Variants in TMPRSS13 observed in about 807,000 individuals in gnomAD.
The protein encoded by TMPRSS13 is transmembrane serine protease 13, also known as transmembrane protease serine 13.
TMPRSS13 carries 50 observed loss-of-function variants against 68.4 expected under a neutral mutation model. That is an observed-to-expected ratio of 0.73 (90% CI 0.58 to 0.93). The LOEUF (loss-of-function observed/expected upper bound fraction) is 0.93, where lower values mean the gene tolerates loss of function less well. Among genes scored for constraint, TMPRSS13 ranks in the 40% least tolerant of loss-of-function variants. The pLI, the probability that TMPRSS13 is intolerant of heterozygous loss-of-function variation, is 0.00. For missense variants in TMPRSS13, 615 were observed against 729.2 expected (o/e 0.84, Z 1.80); for synonymous variants, 267 against 285.8 (o/e 0.93, Z 0.66).
chr11:117,907,627 T>G (rs1858151415), intron 9 of TMPRSS13: 1 of 171,334 alleles, frequency 5.8e-6, no homozygotes, highest in South Asian at 1.9e-4. Flanking sequence ...GCTCCATTCT[T>G]CAGGGTCCTC....
chr11:117,913,979 G>T, intron 4 of TMPRSS13, 73 bp from the exon 5 acceptor site: 1 of 1,554,450 alleles, frequency 6.4e-7, no homozygotes, highest in African/African-American at 1.4e-5. Context: ...GATGAGCTGA[G>T]TGAGGCTTTG....
At chr11:117,917,352 C>G in intron 2 of TMPRSS13, 78 bp from the exon 3 acceptor site, 1 of 1,209,184 alleles carries the variant, frequency 8.3e-7, no homozygotes, top group Admixed American at 2.0e-5. Flanking sequence ...GGAAACAAGA[C>G]TGTGGCCCAG....
rs966479246 is a variant in TMPRSS13, at chr11:117,923,789, C to A, written c.22-4951G>T. 2.8e-5 allele frequency among the ~76,000 whole-genome samples: 4 copies of A among 141,994 alleles called. No individual in the cohort carries two copies. The Admixed American group carries it at 2.9e-4, about 10-fold the overall frequency. The allele number at this position is 141,994 out of a possible 152,430, so 93.2% of individuals were successfully genotyped here. On this transcript the variant is annotated intron_variant, in intron 1 of 12. Coordinates refer to ENST00000524993, the MANE Select transcript of TMPRSS13 (RefSeq NM_001077263.3). ...ACACGGCACATGTATACATATGTAACAAACCTGCACGTTGTGCACATGTAC... is the reference window on the plus strand; with the variant it reads ...ACACGGCACATGTATACATATGTAAAAAACCTGCACGTTGTGCACATGTAC...
chr11:117,920,743 C>G (rs1418361479), intron 1 of TMPRSS13, among the ~76,000 whole-genome samples: 1 of 152,202 alleles, frequency 6.6e-6, no homozygotes, highest in Non-Finnish European at 1.5e-5. Flanking sequence ...CCCGCCTCAG[C>G]CTCCCAAAGT....
Position 117,914,416 on chromosome 11 carries a change from G to T in TMPRSS13, c.655C>A (p.Leu219Met). 6.2e-7 allele frequency: 1 copy of T among 1,613,914 alleles called. No individual in the cohort carries two copies. ...CCGCAGCCCAGCTCGTCACTCTTCAGCTTGCAGTCCACCACCCCGTCACAG... is the reference window on the plus strand; with the variant it reads ...CCGCAGCCCAGCTCGTCACTCTTCATCTTGCAGTCCACCACCCCGTCACAG... ...VRCDGVVDCK[L>M]KSDELGCVRF... Residue 219 changes from leucine (L) to methionine (M), a missense_variant, in exon 4 of 13, where the codon CTG (leucine) becomes ATG (methionine). Transcript: ENST00000524993. This position sits in a 1 kb window ranked among gnomAD's most constrained non-coding sequence, Gnocchi z 4.2.
chr11:117,909,521 C>T (rs985725427), intron 8 of TMPRSS13, among the ~76,000 whole-genome samples: 1 of 152,186 alleles, frequency 6.6e-6, no homozygotes, highest in African/African-American at 2.4e-5. Context: ...TTCATTTCAC[C>T]CTGTTCTTCA....
rs376048907 is a variant in TMPRSS13, at chr11:117,914,435, G to A, written c.636C>T (p.Asp212=). The change falls in exon 4 of 13, where the codon GAC becomes GAT. Residue 212 remains aspartate (D), a synonymous_variant. Transcript: ENST00000524993. The surrounding 1 kb of genome is among the most constrained non-coding windows in gnomAD (Gnocchi z 4.2). ...ESCPKHAVRC[D]GVVDCKLKSD... ...TCTTCAGCTTGCAGTCCACCACCCC[G>A]TCACAGCGAACAGCGTGCTTGGGAC... 1.6e-5 allele frequency: 26 copies of A among 1,613,860 alleles called. No individual in the cohort carries two copies. The highest frequency in any genetic ancestry group is 1.6e-4 in the Middle Eastern group (1 of 6,084).
At chr11:117,924,976 G>A (rs1315483837) in intron 1 of TMPRSS13, among the ~76,000 whole-genome samples, 2 of 152,164 alleles carry the variant, frequency 1.3e-5, no homozygotes, top group Admixed American at 6.5e-5. Flanking sequence ...TGGGGGGCAC[G>A]GGGAGCCTCG....
At chr11:117,916,916 A>G (rs755773703) in intron 3 of TMPRSS13, among the ~76,000 whole-genome samples, 1 of 152,168 alleles carries the variant, frequency 6.6e-6, no homozygotes, top group Non-Finnish European at 1.5e-5. Flanking sequence ...TTGCCCAAGT[A>G]AGCTGCATAG....
At chr11:117,911,276 C>T (rs942612752) in intron 6 of TMPRSS13, among the ~76,000 whole-genome samples, 1 of 152,196 alleles carries the variant, frequency 6.6e-6, no homozygotes, top group Non-Finnish European at 1.5e-5. Flanking sequence ...CCAACGTGGC[C>T]CTCCCTGTCC....
At chr11:117,903,289 G>A (rs1591614418) in intron 12 of TMPRSS13, 1 of 1,291,178 alleles carries the variant, frequency 7.7e-7, no homozygotes, top group East Asian at 2.5e-5. Flanking sequence ...GGATTCCCAT[G>A]CATAAATGCT....
intron 6 of TMPRSS13, 142 bp from the exon 7 acceptor site, chr11:117,910,892 C>T: frequency 2.7e-6 from 2 of 742,262 alleles, no homozygotes; most frequent in Non-Finnish European, 4.4e-6. Flanking sequence ...TTCTGAGCTT[C>T]CCCTTTCCCC....
chr11:117,920,244 C>T (rs897742676), intron 1 of TMPRSS13, among the ~76,000 whole-genome samples: 3 of 152,224 alleles, frequency 2.0e-5, no homozygotes, highest in African/African-American at 7.2e-5. Context: ...CACCTTGCTT[C>T]GTGGTACTGA....
At position 117,908,661 on chromosome 11, in the gene TMPRSS13, G is replaced by A. The variant is rs3741293; in HGVS notation, c.1233C>T (p.Asp411=). ...GCCGCATGAGGGCGATGTCATAGTCGTCCTCCTCATCGGTGTAATTGCTGT... is the reference window on the plus strand; with the variant it reads ...GCCGCATGAGGGCGATGTCATAGTCATCCTCCTCATCGGTGTAATTGCTGT... ...IINSNYTDEE[D]DYDIALMRLS... Residue 411 remains aspartate, a synonymous_variant, in exon 9 of 13, where the codon GAC becomes GAT. Transcript: ENST00000524993. 8,010 of 1,585,882 alleles carry A rather than the reference G, an allele frequency of 5.1e-3. 140 individuals are homozygous for A. The East Asian group carries it at 0.058, about 11-fold the overall frequency.
At position 117,914,011 on chromosome 11, in the gene TMPRSS13, C is replaced by G. The variant is rs189590631; in HGVS notation, c.680-105G>C. On this transcript the variant is annotated intron_variant, in intron 4 of 12. Coordinates refer to ENST00000524993, the MANE Select transcript of TMPRSS13 (RefSeq NM_001077263.3). This position sits in a 1 kb window ranked among gnomAD's most constrained non-coding sequence, Gnocchi z 4.2. ...TTTGAGAAAGCGCTTGTCCTGACAG[C>G]ACTCCTTGCTGAGGCCTGGGAAAAG... 628 of 1,360,110 alleles carry G rather than the reference C, an allele frequency of 4.6e-4. No individual in the cohort carries two copies. The highest frequency in any genetic ancestry group is 6.1e-4 in the Non-Finnish European group (606 of 993,380). 84.3% of individuals were successfully genotyped at this position (1,360,110 alleles called of 1,614,324 possible).
At position 117,908,608 on chromosome 11, in the gene TMPRSS13, T is replaced by A. The variant is rs1185960076; in HGVS notation, c.1282+4A>T. The A allele has an allele frequency of 1.3e-6, 2 of 1,557,268 alleles. No individual in the cohort carries two copies. Among genetic ancestry groups the A allele is most frequent in the Non-Finnish European group, 1.7e-6 (2 of 1,150,950 alleles). Reference sequence around the variant, plus strand: ...AGGAGAGCGGGGAGTGCAGATTCCCTCACCGGACAGGGTCAGGGGCTTGGA... The same window carrying A: ...AGGAGAGCGGGGAGTGCAGATTCCCACACCGGACAGGGTCAGGGGCTTGGA... On this transcript the variant is annotated splice_donor_region_variant and intron_variant, in intron 9 of 12. Transcript: ENST00000524993.
chr11:117,901,618 C>T lies in TMPRSS13; in HGVS notation c.*621G>A, dbSNP rs752293045. On this transcript the variant is annotated 3_prime_UTR_variant, in exon 13 of 13. Coordinates refer to ENST00000524993, the MANE Select transcript of TMPRSS13 (RefSeq NM_001077263.3). ...AAAACCCGCCCCAGCAGCTTGTGAC[C>T]AAATGAGTACAGTGAATCCTCATCT... The T allele has an allele frequency of 1.3e-5, 2 of 152,184 alleles. No homozygotes were observed. Among genetic ancestry groups the T allele is most frequent in the African/African-American group, 2.4e-5 (1 of 41,428 alleles). 9.4% of individuals were successfully genotyped at this position (152,184 alleles called of 1,614,324 possible).
Position 117,908,632 on chromosome 11 carries a change from G to T in TMPRSS13, c.1262C>A (p.Ser421Tyr). 2 of 1,567,410 alleles carry T rather than the reference G, an allele frequency of 1.3e-6. No individual in the cohort carries two copies. Among genetic ancestry groups the T allele is most frequent in the Non-Finnish European group, 1.7e-6 (2 of 1,156,320 alleles). ...DDYDIALMRLSKPLTLSAHIH... is the reference protein window; with the variant it reads ...DDYDIALMRLYKPLTLSAHIH... ...CTCACCGGACAGGGTCAGGGGCTTG[G>T]ACAGCCGCATGAGGGCGATGTCATA... The change falls in exon 9 of 13, where the codon TCC becomes TAC. Residue 421 changes from serine (S) to tyrosine (Y), a missense_variant. Coordinates refer to ENST00000524993, the MANE Select transcript of TMPRSS13 (RefSeq NM_001077263.3).
intron 9 of TMPRSS13, among the ~76,000 whole-genome samples, chr11:117,907,127 G>C (rs995878647): frequency 2.0e-5 from 3 of 152,178 alleles, no homozygotes; most frequent in Non-Finnish European, 4.4e-5. Context: ...GGTGGAGGGT[G>C]GGTGGGAGGT....
Sources: allele counts gnomAD v4.1 joint callset (sites outside exome capture counted in the v4.1 genomes callset), GRCh38; gene constraint gnomAD v4.1.1; non-coding constraint Gnocchi (gnomAD v3.1); transcripts MANE v1.5; gene names NCBI Gene and HGNC (gene_info 2026-07-23, HGNC 2026-07-21).